Variants in MYO3B observed in about 807,000 individuals in gnomAD.
MYO3B encodes myosin IIIB.
Under a neutral mutation model 174.6 loss-of-function variants are expected in MYO3B, and 156 were observed. The ratio of observed to expected loss-of-function variants is 0.89; its 90% CI spans 0.78 to 1.02. The LOEUF (loss-of-function observed/expected upper bound fraction) is 1.02. Ranked by LOEUF, MYO3B falls within the 50% of genes least tolerant of loss-of-function variation. The pLI, the probability that MYO3B is intolerant of heterozygous loss-of-function variation, is 0.00. For synonymous variants in MYO3B, 563 were observed against 569.1 expected, an observed-to-expected ratio of 0.99 and a Z score of 0.15; for missense variants, 1,632 against 1,639.4, an observed-to-expected ratio of 1.00 and a Z score of 0.08.
At chr2:170,370,027 C>G (rs2094228906) in intron 9 of MYO3B, among the ~76,000 whole-genome samples, 1 of 151,994 alleles carries the variant, frequency 6.6e-6, no homozygotes, top group South Asian at 2.1e-4. Context: ...TTTTCAGGGG[C>G]AAGTGCTTTA....
chr2:170,562,192 G>C (rs1691753897), intron 32 of MYO3B, among the ~76,000 whole-genome samples: 1 of 152,096 alleles, frequency 6.6e-6, no homozygotes, highest in African/African-American at 2.4e-5. Flanking sequence ...TGTTTTCTGA[G>C]CCACTGTTAC....
intron 32 of MYO3B, chr2:170,643,660 C>T (rs1182870794): frequency 6.6e-6 from 1 of 152,206 alleles, no homozygotes; most frequent in Non-Finnish European, 1.5e-5. Context: ...CTGAGAACGC[C>T]TCATCCACAA....
At chr2:170,431,477 C>G (rs1195246889) in intron 22 of MYO3B, among the ~76,000 whole-genome samples, 1 of 152,158 alleles carries the variant, frequency 6.6e-6, no homozygotes, top group African/African-American at 2.4e-5. Context: ...TATTTTTTCC[C>G]TAGCTCTACA....
intron 7 of MYO3B, among the ~76,000 whole-genome samples, chr2:170,305,359 C>A (rs1293893068): frequency 1.3e-5 from 2 of 152,102 alleles, no homozygotes; most frequent in African/African-American, 4.8e-5. Context: ...GGTATATTTT[C>A]TTAACTGAGA....
At chr2:170,459,563 AGTTGGCTTTGCCT>A (rs1235745256) in intron 23 of MYO3B, among the ~76,000 whole-genome samples, 2 of 152,174 alleles carry the variant, frequency 1.3e-5, no homozygotes, top group African/African-American at 4.8e-5. Flanking sequence ...CCAGGAGCCC[AGTTGGCTTTGCCT>A]ACTGGATCCT....
chr2:170,545,499 T>C (rs561568691), intron 32 of MYO3B, among the ~76,000 whole-genome samples: 2 of 152,220 alleles, frequency 1.3e-5, no homozygotes, highest in Non-Finnish European at 2.9e-5. Flanking sequence ...GAATACTAGG[T>C]AGAGAAATAA....
intron 7 of MYO3B, among the ~76,000 whole-genome samples, chr2:170,293,218 A>G (rs1410332973): frequency 6.6e-6 from 1 of 152,056 alleles, no homozygotes; most frequent in Non-Finnish European, 1.5e-5. Context: ...ATGAAGCTAG[A>G]TTGTTTCTGC....
chr2:170,479,739 T>C (rs1656890203), intron 25 of MYO3B, among the ~76,000 whole-genome samples: 1 of 147,502 alleles, frequency 6.8e-6, no homozygotes. Flanking sequence ...GTTTAATATA[T>C]ATACCCACAT....
At chr2:170,520,405 T>G (rs1688598664) in intron 30 of MYO3B, among the ~76,000 whole-genome samples, 1 of 151,672 alleles carries the variant, frequency 6.6e-6, no homozygotes, top group Admixed American at 6.6e-5. Flanking sequence ...CTAGGAAATA[T>G]AGTTAGACCC....
At chr2:170,463,656 G>A (rs1466862840) in intron 24 of MYO3B, among the ~76,000 whole-genome samples, 1 of 152,214 alleles carries the variant, frequency 6.6e-6, no homozygotes, top group Non-Finnish European at 1.5e-5. Flanking sequence ...CATATGAGCT[G>A]CTTCTTGGTC....
rs773858981 is a variant in MYO3B, at chr2:170,391,629, G to A, written c.1676+11G>A. On this transcript the variant is annotated intron_variant, in intron 15 of 34. Transcript: ENST00000408978. ...GGAAAAACCTCCTAGGTAAGTGTCA[G>A]GGGGGTTGGTTGTTAATTTTTGATG... The A allele has an allele frequency of 6.5e-5, 96 of 1,478,788 alleles. No homozygotes were observed. Among genetic ancestry groups the A allele is most frequent in the Non-Finnish European group, 8.5e-5 (92 of 1,084,768 alleles). The allele number at this position is 1,478,788 out of a possible 1,614,324, so 91.6% of individuals were successfully genotyped here.
intron 6 of MYO3B, among the ~76,000 whole-genome samples, chr2:170,232,600 G>T (rs1021071559): frequency 2.6e-4 from 40 of 152,198 alleles, no homozygotes; most frequent in Admixed American, 9.8e-4. Context: ...CCTTCTCCCT[G>T]CCTGGGTTCA....
At chr2:170,334,978 A>G (rs1307981754) in intron 7 of MYO3B, 2 of 162,380 alleles carry the variant, frequency 1.2e-5, no homozygotes, top group Admixed American at 6.3e-5. Context: ...AAATGGTACC[A>G]TAATGATCTG....
At chr2:170,610,292 G>C (rs1467914601) in intron 32 of MYO3B, among the ~76,000 whole-genome samples, 1 of 151,550 alleles carries the variant, frequency 6.6e-6, no homozygotes, top group Non-Finnish European at 1.5e-5. Flanking sequence ...AGTGAGCCGA[G>C]ATCATGCCGC....
intron 32 of MYO3B, among the ~76,000 whole-genome samples, chr2:170,581,694 A>G (rs1693160356): frequency 6.6e-6 from 1 of 152,098 alleles, no homozygotes; most frequent in Non-Finnish European, 1.5e-5. Context: ...GTCCAGCTCC[A>G]TTTATTGAAT....
Position 170,557,148 on chromosome 2 carries a change from A to AT in MYO3B, c.3733+13169dup, listed in dbSNP as rs71006102. 2.8e-3 allele frequency among the ~76,000 whole-genome samples: 404 copies of AT among 146,720 alleles called. 4 individuals carry two copies. Among genetic ancestry groups the AT allele is most frequent in the Non-Finnish European group, 3.9e-3 (260 of 66,808 alleles). On this transcript the variant is annotated intron_variant, in intron 32 of 34. Transcript: ENST00000408978. The stretch of plus-strand genomic sequence containing the variant: ...TGCAGGGTTTTTTATTTTTATTTTT[A>AT]TTTTTTTTTGAGACGGAGTCTCGCT...
intron 22 of MYO3B, among the ~76,000 whole-genome samples, chr2:170,433,219 G>A (rs1020187058): frequency 6.6e-6 from 1 of 151,950 alleles, no homozygotes; most frequent in African/African-American, 2.4e-5. Context: ...CGGGTTTTTA[G>A]CCTAGAAGAA....
rs1169743728 is a variant in MYO3B at position 170,596,760 on chromosome 2, G to T, written c.3733+52772G>T. Among the ~76,000 whole-genome samples the T allele has an allele frequency of 2.6e-5, 4 of 152,178 alleles. No individual in the cohort carries two copies. The South Asian group carries it at 6.2e-4, about 24-fold the overall frequency. On this transcript the variant is annotated intron_variant, in intron 32 of 34. Transcript: ENST00000408978. Reference sequence around the variant, plus strand: ...TAAGAAATGGTGCATTTTGTAGAAAGCAACCTCCAAGCTGAATTAGGTGAA... The same window carrying T: ...TAAGAAATGGTGCATTTTGTAGAAATCAACCTCCAAGCTGAATTAGGTGAA...
chr2:170,200,201 A>C lies in MYO3B; in HGVS notation c.238A>C (p.Asn80His). 6.2e-7 allele frequency: 1 copy of C among 1,613,542 alleles called. No homozygotes were observed. The highest frequency in any genetic ancestry group is 8.5e-7 in the Non-Finnish European group (1 of 1,179,662). The change falls in exon 3 of 35, where the codon AAT becomes CAT. Residue 80 changes from asparagine to histidine, a missense_variant. Asn to His is a moderately conservative substitution (Grantham distance 68). Coordinates refer to ENST00000408978, the MANE Select transcript of MYO3B (RefSeq NM_138995.5). ...AEYNILQFLP[N>H]HPNVVKFYGM... ...ATACAACATTTTGCAGTTCCTTCCT[A>C]ATCATCCCAATGTTGTAAAGTTTTA...
Sources: gnomAD v4.1 joint callset for allele counts (sites outside exome capture counted in the v4.1 genomes callset) on GRCh38, gnomAD v4.1.1 for gene constraint, MANE v1.5 for transcripts, NCBI Gene and HGNC (gene_info 2026-07-23, HGNC 2026-07-21) for gene names.